The following ATP2C1 variants were observed in gnomAD, a reference collection of about 807,000 sequenced individuals.
ATP2C1 encodes calcium-transporting ATPase type 2C member 1.
In ATP2C1, 31 loss-of-function variants were observed where a neutral mutation model predicts 120.5. The observed-to-expected ratio is 0.26, with a 90% CI of 0.19 to 0.35. The LOEUF is 0.35. Ranked by LOEUF, ATP2C1 falls within the 10% of genes least tolerant of loss-of-function variation. The pLI, the probability that ATP2C1 is intolerant of heterozygous loss-of-function variation, is 1.00. For synonymous variants in ATP2C1, 351 were observed against 358.7 expected, an observed-to-expected ratio of 0.98 and a Z score of 0.24; for missense variants, 731 against 1,107.5, an observed-to-expected ratio of 0.66 and a Z score of 4.83.
At chr3:130,935,472 A>G (rs900074343) in intron 5 of ATP2C1, among the ~76,000 whole-genome samples, 5 of 152,096 alleles carry the variant, frequency 3.3e-5, no homozygotes, top group Non-Finnish European at 7.4e-5. Context: ...TCATTTTTGT[A>G]TAAAAAATTT....
chr3:131,007,850 G>A (rs1241441804), downstream of ATP2C1, among the ~76,000 whole-genome samples: 12 of 152,116 alleles, frequency 7.9e-5, no homozygotes, highest in Admixed American at 7.9e-4. Flanking sequence ...CTTACAAATA[G>A]GTGACTGTAG....
intron 7 of ATP2C1, among the ~76,000 whole-genome samples, 159 bp downstream of exon 7, chr3:130,940,850 G>A (rs2059859596): frequency 6.9e-6 from 1 of 144,296 alleles, no homozygotes; most frequent in Non-Finnish European, 1.5e-5. Context: ...TAGCAAAACT[G>A]TACCATTGAA....
chr3:131,011,155 A>G (rs192709183), intron 26 of ATP2C1, among the ~76,000 whole-genome samples: 1 of 152,344 alleles, frequency 6.6e-6, no homozygotes, highest in Non-Finnish European at 1.5e-5. Context: ...TTCAGATGTC[A>G]AAAGGTTAAT....
In ATP2C1 at chr3:130,879,661, G is replaced by A. The variant is rs531717988; in HGVS notation, c.108+28733G>A. 5.3e-5 allele frequency among the ~76,000 whole-genome samples: 8 copies of A among 151,956 alleles called. No homozygotes were observed. The South Asian group carries it at 1.7e-3, about 32-fold the overall frequency. ...TATCTGTGCATCTGGTGTAACCGTT[G>A]TTTTCTTCCAATTTTATACAGTATC... On this transcript the variant is annotated intron_variant, in intron 1 of 26. Coordinates refer to the ATP2C1 transcript ENST00000504381.
At chr3:130,902,859 G>A (rs35213012) in intron 2 of ATP2C1, among the ~76,000 whole-genome samples, 26,598 of 151,516 alleles carry the variant, frequency 0.18, 2,487 homozygotes, top group Middle Eastern at 0.24. Context: ...TGTTTCAGTG[G>A]TGTTAGGGAC....
At chr3:130,928,957 G>A (rs1251684243) in intron 2 of ATP2C1, among the ~76,000 whole-genome samples, 1 of 152,166 alleles carries the variant, frequency 6.6e-6, no homozygotes, top group Non-Finnish European at 1.5e-5. Context: ...GTTCAATGAA[G>A]TCTTTCCCCT....
chr3:130,919,253 T>C (rs192893325), intron 2 of ATP2C1: 1 of 173,462 alleles, frequency 5.8e-6, no homozygotes, highest in East Asian at 1.8e-4. Context: ...TGAGAGAGTT[T>C]TGCTCTTTTC....
downstream of ATP2C1, among the ~76,000 whole-genome samples, chr3:131,006,243 C>G (rs1300887807): frequency 1.3e-5 from 2 of 152,138 alleles, no homozygotes; most frequent in Non-Finnish European, 2.9e-5. Context: ...TCCCGAGTAG[C>G]TGGGATTACA....
At chr3:130,975,785 A>G (rs2061509266) in intron 18 of ATP2C1, among the ~76,000 whole-genome samples, 1 of 152,206 alleles carries the variant, frequency 6.6e-6, no homozygotes, top group Non-Finnish European at 1.5e-5. Flanking sequence ...ATCGAGGTAA[A>G]ATGGTGTTAC....
intron 8 of ATP2C1, among the ~76,000 whole-genome samples, chr3:130,949,314 T>A (rs2060272339): frequency 6.6e-6 from 1 of 152,130 alleles, no homozygotes. Flanking sequence ...GAAGAAAGTT[T>A]GAAAGGTTTC....
At chr3:130,907,203 A>G (rs150584157) in intron 2 of ATP2C1, among the ~76,000 whole-genome samples, 269 of 152,004 alleles carry the variant, frequency 1.8e-3, no homozygotes, top group Admixed American at 3.1e-3. Context: ...TTTATAAGAT[A>G]ATTATCAGAG....
chr3:130,944,121 A>G (rs1054130211), intron 8 of ATP2C1, among the ~76,000 whole-genome samples: 1 of 152,236 alleles, frequency 6.6e-6, no homozygotes, highest in African/African-American at 2.4e-5. Context: ...CAAGTCTGTG[A>G]ACTTCTGCTA....
Position 130,894,195 on chromosome 3 carries a change from GCTT to G in ATP2C1, c.-317_-315del, listed in dbSNP as rs1382625991. 2 of 934,106 alleles carry G rather than the reference GCTT, an allele frequency of 2.1e-6. No individual in the cohort carries two copies. Among genetic ancestry groups the G allele is most frequent in the Non-Finnish European group, 2.5e-6 (2 of 792,098 alleles). 57.9% of individuals were successfully genotyped at this position (934,106 alleles called of 1,614,324 possible). ...CTCCCTCCCTTCCTCCCTCCCGCTC[GCTT>G]CTTCTCACGCCGGGAGCAGGCTCCC... On this transcript the variant is annotated 5_prime_UTR_variant, in exon 1 of 28. Coordinates refer to ENST00000510168, the MANE Select transcript of ATP2C1 (RefSeq NM_001378687.1). The surrounding 1 kb of genome is among the most constrained non-coding windows in gnomAD (Gnocchi z 4.5).
At chr3:130,944,087 A>G (rs2060035015) in intron 8 of ATP2C1, among the ~76,000 whole-genome samples, 1 of 152,262 alleles carries the variant, frequency 6.6e-6, no homozygotes, top group South Asian at 2.1e-4. Flanking sequence ...CTTCCAAAGC[A>G]CATAGATTTC....
chr3:130,893,874 C>T, upstream of ATP2C1: 1 of 972,732 alleles, frequency 1.0e-6, no homozygotes, highest in Non-Finnish European at 1.2e-6. Context: ...CGGACGGATC[C>T]AAACCCAAAC....
chr3:131,007,658 C>T (rs1271409596), downstream of ATP2C1, among the ~76,000 whole-genome samples: 4 of 152,160 alleles, frequency 2.6e-5, no homozygotes, highest in Admixed American at 1.3e-4. Context: ...ATCTTCTCAA[C>T]TACATTAAAG....
intron 1 of ATP2C1, among the ~76,000 whole-genome samples, chr3:130,856,854 C>G (rs1271768669): frequency 6.6e-6 from 1 of 152,176 alleles, no homozygotes; most frequent in Non-Finnish European, 1.5e-5. Context: ...AATGTTATCT[C>G]ATTTATACCT....
At chr3:130,917,931 G>A (rs1049589731) in intron 2 of ATP2C1, among the ~76,000 whole-genome samples, 1 of 151,078 alleles carries the variant, frequency 6.6e-6, no homozygotes, top group African/African-American at 2.4e-5. Context: ...CACTTAGCAT[G>A]GTGTCCTCAA....
chr3:130,944,151 G>A (rs1193402921), intron 8 of ATP2C1, among the ~76,000 whole-genome samples: 2 of 152,220 alleles, frequency 1.3e-5, no homozygotes, highest in African/African-American at 4.8e-5. Flanking sequence ...TTCTCTTACA[G>A]ACTAGGCCTA....
Sources: gnomAD v4.1 joint callset for allele counts (sites outside exome capture counted in the v4.1 genomes callset) on GRCh38, gnomAD v4.1.1 for gene constraint, Gnocchi (gnomAD v3.1) non-coding constraint, MANE v1.5 for transcripts, NCBI Gene and HGNC (gene_info 2026-07-23, HGNC 2026-07-21) for gene names.